RBPJ: variants seen among roughly 807,000 people sequenced by gnomAD.
RBPJ encodes the protein recombining binding protein suppressor of hairless.
RBPJ carries 9 observed loss-of-function variants against 67.8 expected under a neutral mutation model. The observed-to-expected ratio is 0.13, with a 90% confidence interval of 0.08 to 0.23. The LOEUF is 0.23. Ranked by LOEUF, RBPJ falls within the 10% of genes least tolerant of loss-of-function variation. RBPJ has a pLI of 1.00. For synonymous variants in RBPJ, 198 were observed against 203.3 expected (o/e 0.97, Z 0.22); for missense variants, 305 against 595.6 (o/e 0.51, Z 5.08).
At chr4:26,425,957 GT>G (rs1230256314) in intron 7 of RBPJ, among the ~76,000 whole-genome samples, 102 of 141,920 alleles carry the variant, frequency 7.2e-4, no homozygotes, top group Admixed American at 7.7e-4. Flanking sequence ...CTTTGTTACT[GT>G]TTTTTTTTTT....
rs1736282071 is a variant in RBPJ at position 26,431,991 on chromosome 4, G to A, written c.*984G>A. ...TTTCCCATGACGTAAATACATAGGT[G>A]TGTTCCAGGATTTGTTCAGGTTTTT... is the stretch of plus-strand genomic sequence containing the variant. On this transcript the variant is annotated 3_prime_UTR_variant, in exon 11 of 11. Transcript: ENST00000355476. The A allele has an allele frequency of 6.6e-6, 1 of 152,162 alleles. No individual in the cohort carries two copies. Among genetic ancestry groups the A allele is most frequent in the Admixed American group, 6.5e-5 (1 of 15,286 alleles). The allele number at this position is 152,162 out of a possible 1,614,324, so 9.4% of individuals were successfully genotyped here.
intron 4 of RBPJ, among the ~76,000 whole-genome samples, chr4:26,416,944 T>C (rs1036913250): frequency 1.3e-5 from 2 of 152,248 alleles, no homozygotes; most frequent in African/African-American, 2.4e-5. Context: ...GGATAATACT[T>C]ATTACAATAA....
intron 1 of RBPJ, among the ~76,000 whole-genome samples, chr4:26,176,825 G>A (rs1716810075): frequency 6.6e-6 from 1 of 152,262 alleles, no homozygotes; most frequent in Admixed American, 6.5e-5. Flanking sequence ...CACCTTCAGA[G>A]CTCAGCGTGT....
In RBPJ at chr4:26,321,014, G is replaced by A. The variant is rs936888360; in HGVS notation, c.-15G>A. The A allele has an allele frequency of 6.2e-7, 1 of 1,613,548 alleles. No individual in the cohort carries two copies. Among genetic ancestry groups the A allele is most frequent in the East Asian group, 2.2e-5 (1 of 44,884 alleles). The stretch of plus-strand genomic sequence containing the variant: ...ATCTCGCGAGGGTTGGAGTTTTGGC[G>A]AGAGTTTGTGGAAGATGGCGCCTGT... On this transcript the variant is annotated 5_prime_UTR_variant, in exon 1 of 11. Coordinates refer to ENST00000355476, the MANE Select transcript of RBPJ (RefSeq NM_015874.6).
chr4:26,403,767 T>C (rs1159212156), intron 2 of RBPJ, among the ~76,000 whole-genome samples: 1 of 152,192 alleles, frequency 6.6e-6, no homozygotes, highest in African/African-American at 2.4e-5. Context: ...TACCACACTT[T>C]CTTTTTCCAG....
intron 2 of RBPJ, among the ~76,000 whole-genome samples, chr4:26,388,899 C>G (rs1334426732): frequency 6.6e-6 from 1 of 152,022 alleles, no homozygotes; most frequent in East Asian, 1.9e-4. Context: ...CAAAAATGTT[C>G]TAACTGGAAA....
At chr4:26,414,804 G>A (rs1167237568) in intron 3 of RBPJ, among the ~76,000 whole-genome samples, 2 of 152,204 alleles carry the variant, frequency 1.3e-5, no homozygotes, top group African/African-American at 4.8e-5. Flanking sequence ...TATTCTGTGA[G>A]TTGAAAGAAT....
chr4:26,270,499 A>G (rs1191028474), intron 1 of RBPJ, among the ~76,000 whole-genome samples: 1 of 150,932 alleles, frequency 6.6e-6, no homozygotes, highest in African/African-American at 2.4e-5. Context: ...GGAAGGAAGG[A>G]AGGAAGGAAG....
intron 3 of RBPJ, among the ~76,000 whole-genome samples, chr4:26,414,540 A>G (rs1734367862): frequency 6.6e-6 from 1 of 152,114 alleles, no homozygotes; most frequent in Non-Finnish European, 1.5e-5. Context: ...AGTTAATTCG[A>G]GTTTTCAGGC....
chr4:26,210,748 T>TTTCC (rs751525900), intron 1 of RBPJ, among the ~76,000 whole-genome samples: 7 of 120,296 alleles, frequency 5.8e-5, no homozygotes, highest in Middle Eastern at 4.0e-3. Context: ...TCTTTCCTTC[T>TTTCC]TTCCTTCTTT....
chr4:26,316,506 T>TAC, upstream of RBPJ, among the ~76,000 whole-genome samples: 3 of 58,184 alleles, frequency 5.2e-5, no homozygotes, highest in Admixed American at 4.5e-4. Context: ...TATTCATATA[T>TAC]ATTCATATAT....
the RBPJ span, among the ~76,000 whole-genome samples, chr4:26,109,154 C>T: frequency 6.9e-6 from 1 of 144,244 alleles, no homozygotes; most frequent in South Asian, 2.2e-4. Context: ...GTTGCCCAGG[C>T]TGGAGTGCGG....
chr4:26,230,924 T>C (rs1435694759), intron 1 of RBPJ, among the ~76,000 whole-genome samples: 1 of 152,192 alleles, frequency 6.6e-6, no homozygotes, highest in Non-Finnish European at 1.5e-5. Context: ...AGTACTCCAA[T>C]TGACTGTCAT....
chr4:26,192,259 G>A (rs1299346279), intron 1 of RBPJ, among the ~76,000 whole-genome samples: 4 of 151,990 alleles, frequency 2.6e-5, no homozygotes, highest in South Asian at 2.1e-4. Context: ...TGCCCGCCTC[G>A]ACCTCCCAAA....
In RBPJ at chr4:26,430,537, T is replaced by C. The variant is rs980893904; in HGVS notation, c.1148+15T>C. 3 of 1,582,326 alleles carry C rather than the reference T, an allele frequency of 1.9e-6. No homozygotes were observed. The African/African-American group carries it at 4.1e-5, about 22-fold the overall frequency. ...ACTATGTACAGGTACTTGATAAAAC[T>C]TTTTGCATCATCCAGAGGTTGTGAG... On this transcript the variant is annotated intron_variant, in intron 10 of 10. Coordinates refer to ENST00000355476, the MANE Select transcript of RBPJ (RefSeq NM_015874.6). The surrounding 1 kb of genome is among the most constrained non-coding windows in gnomAD (Gnocchi z 4.1).
the RBPJ span, among the ~76,000 whole-genome samples, chr4:26,154,118 G>A: frequency 1.3e-5 from 2 of 152,212 alleles, no homozygotes; most frequent in Admixed American, 6.5e-5. Flanking sequence ...CTCTCCTTTA[G>A]AGGACAAACA....
At chr4:26,304,792 T>TG (rs996460264) in intron 1 of RBPJ, among the ~76,000 whole-genome samples, 15 of 152,018 alleles carry the variant, frequency 9.9e-5, no homozygotes, top group African/African-American at 3.6e-4. Context: ...TTCTGTATTT[T>TG]TTTTTTTTTT....
At chr4:26,149,807 C>A in the RBPJ span, among the ~76,000 whole-genome samples, 6 of 152,242 alleles carry the variant, frequency 3.9e-5, no homozygotes, top group Non-Finnish European at 8.8e-5. Context: ...ACAAACCAGA[C>A]TAAGACATAT....
At chr4:26,211,466 A>G (rs1718419525) in intron 1 of RBPJ, among the ~76,000 whole-genome samples, 1 of 152,202 alleles carries the variant, frequency 6.6e-6, no homozygotes, top group African/African-American at 2.4e-5. Context: ...GCTCATTTAT[A>G]TTTGAGATGT....
Sources: gnomAD v4.1 joint callset for allele counts (sites outside exome capture counted in the v4.1 genomes callset) on GRCh38, gnomAD v4.1.1 for gene constraint, Gnocchi (gnomAD v3.1) non-coding constraint, MANE v1.5 for transcripts, NCBI Gene and HGNC (gene_info 2026-07-23, HGNC 2026-07-21) for gene names.